Variants in DLG2 observed in about 807,000 individuals in gnomAD.
DLG2 encodes the protein disks large homolog 2.
In DLG2, 45 loss-of-function variants were observed where a neutral mutation model predicts 132.5. That is an observed-to-expected ratio of 0.34 (90% confidence interval 0.27 to 0.44). The LOEUF is 0.44. Ranked by LOEUF, DLG2 falls within the 20% of genes least tolerant of loss-of-function variation. DLG2 has a pLI of 1.00. For missense variants in DLG2, 1,045 were observed against 1,196.9 expected (o/e 0.87, Z 1.87); for synonymous variants, 424 against 419.6 (o/e 1.01, Z -0.13).
chr11:85,382,731 T>A (rs528170774), intron 3 of DLG2, among the ~76,000 whole-genome samples: 1 of 152,220 alleles, frequency 6.6e-6, no homozygotes, highest in South Asian at 2.1e-4. Flanking sequence ...AATAAGCACA[T>A]GAAAAGATGT....
intron 18 of DLG2, among the ~76,000 whole-genome samples, chr11:83,745,356 C>T (rs2092827565): frequency 6.6e-6 from 1 of 152,202 alleles, no homozygotes; most frequent in South Asian, 2.1e-4. Context: ...TTCTGTTCTA[C>T]TCTAATCCTT....
intron 3 of DLG2, among the ~76,000 whole-genome samples, chr11:85,393,857 T>C (rs187591335): frequency 2.2e-4 from 34 of 152,156 alleles, no homozygotes; most frequent in Non-Finnish European, 2.9e-5. Flanking sequence ...AGCTGAGCTA[T>C]GAGGATGCAA....
At chr11:84,194,452 G>A (rs1365133474) in intron 8 of DLG2, among the ~76,000 whole-genome samples, 1 of 152,164 alleles carries the variant, frequency 6.6e-6, no homozygotes, top group Non-Finnish European at 1.5e-5. Flanking sequence ...CAAAGAGTGA[G>A]CAGCAGGAAG....
intron 11 of DLG2, among the ~76,000 whole-genome samples, chr11:84,020,357 T>C (rs1262012617): frequency 1.3e-5 from 2 of 152,172 alleles, no homozygotes; most frequent in Non-Finnish European, 2.9e-5. Context: ...TATATATTCA[T>C]ATACATGCAG....
intron 6 of DLG2, among the ~76,000 whole-genome samples, chr11:84,784,316 A>T (rs2072419834): frequency 7.1e-6 from 1 of 140,888 alleles, no homozygotes; most frequent in African/African-American, 2.7e-5. Flanking sequence ...GCGAAACTCC[A>T]CCTCAAAATA....
intron 6 of DLG2, among the ~76,000 whole-genome samples, chr11:85,094,685 T>C (rs2069424848): frequency 6.6e-6 from 1 of 152,226 alleles, no homozygotes; most frequent in African/African-American, 2.4e-5. Flanking sequence ...TAAGGGAATG[T>C]TGTGGCTGTT....
chr11:84,823,852 C>T (rs1434890017), intron 6 of DLG2, among the ~76,000 whole-genome samples: 2 of 151,548 alleles, frequency 1.3e-5, no homozygotes, highest in Non-Finnish European at 2.9e-5. Context: ...CACAAAGATA[C>T]AATTTTAATA....
At chr11:84,850,761 C>T (rs1402371554) in intron 6 of DLG2, among the ~76,000 whole-genome samples, 1 of 151,542 alleles carries the variant, frequency 6.6e-6, no homozygotes, top group Non-Finnish European at 1.5e-5. Context: ...ATGAATAATC[C>T]AAAAATGAAA....
intron 3 of DLG2, among the ~76,000 whole-genome samples, chr11:85,418,799 T>C (rs1390402543): frequency 1.3e-5 from 2 of 152,208 alleles, no homozygotes; most frequent in Admixed American, 6.5e-5. Context: ...TATCCTTCCA[T>C]CCCTTTATTT....
intron 6 of DLG2, among the ~76,000 whole-genome samples, chr11:84,624,694 T>C (rs1025788675): frequency 6.6e-6 from 1 of 151,486 alleles, no homozygotes; most frequent in Non-Finnish European, 1.5e-5. Flanking sequence ...ACATTCCTCC[T>C]TTTATTGGTC....
rs568068487 is a variant in DLG2 at position 83,492,170 on chromosome 11, A to G, written c.2194-7942T>C. ...TAAACCACTTTATTCAGGGCCACCA[A>G]TGAACTTCATGTTGCCCAATCAAAT... On this transcript the variant is annotated intron_variant, in intron 21 of 27. Coordinates refer to ENST00000376104, the MANE Select transcript of DLG2 (RefSeq NM_001142699.3). Among the ~76,000 whole-genome samples, 19 of 152,154 alleles carry G rather than the reference A, an allele frequency of 1.2e-4. No individual in the cohort carries two copies. The South Asian group carries it at 3.7e-3, about 30-fold the overall frequency.
At chr11:85,497,529 C>T (rs997612914) in intron 3 of DLG2, among the ~76,000 whole-genome samples, 1 of 152,012 alleles carries the variant, frequency 6.6e-6, no homozygotes, top group African/African-American at 2.4e-5. Context: ...GGAGAACTTC[C>T]CCAACCTGGC....
chr11:84,186,112 T>G (rs1457066371), intron 8 of DLG2, among the ~76,000 whole-genome samples: 1 of 152,182 alleles, frequency 6.6e-6, no homozygotes, highest in Non-Finnish European at 1.5e-5. Flanking sequence ...GCCTTTCGCT[T>G]TTCAGCATTT....
intron 11 of DLG2, among the ~76,000 whole-genome samples, chr11:84,022,188 ACAG>A (rs995522438): frequency 6.6e-6 from 1 of 152,154 alleles, no homozygotes; most frequent in Non-Finnish European, 1.5e-5. Flanking sequence ...TTTGTCAGAA[ACAG>A]CAGGACTCAC....
chr11:84,347,052 C>T (rs2098542281), intron 7 of DLG2, among the ~76,000 whole-genome samples: 1 of 152,108 alleles, frequency 6.6e-6, no homozygotes, highest in South Asian at 2.1e-4. Context: ...AAAAAGGTCA[C>T]ATACAGCCAT....
intron 7 of DLG2, among the ~76,000 whole-genome samples, chr11:84,262,066 C>A (rs935891526): frequency 6.6e-6 from 1 of 152,154 alleles, no homozygotes; most frequent in Non-Finnish European, 1.5e-5. Context: ...TGTGCTTATT[C>A]TTCCCTATTC....
intron 2 of DLG2, among the ~76,000 whole-genome samples, chr11:85,615,620 T>G (rs1322458700): frequency 6.6e-6 from 1 of 152,174 alleles, no homozygotes. Flanking sequence ...AATTTGGAAT[T>G]TAAATAGTGA....
chr11:84,847,292 A>C (rs533887158), intron 6 of DLG2, among the ~76,000 whole-genome samples: 1 of 152,314 alleles, frequency 6.6e-6, no homozygotes, highest in Admixed American at 6.5e-5. Context: ...CAGAGGCTAG[A>C]GAAAAGGTTG....
At chr11:85,192,539 T>A (rs965570842) in intron 4 of DLG2, among the ~76,000 whole-genome samples, 1 of 152,154 alleles carries the variant, frequency 6.6e-6, no homozygotes, top group Non-Finnish European at 1.5e-5. Flanking sequence ...GCAACAGGCA[T>A]TGGAGTACAA....
Sources: allele counts gnomAD v4.1 joint callset (sites outside exome capture counted in the v4.1 genomes callset), GRCh38; gene constraint gnomAD v4.1.1; transcripts MANE v1.5; gene names NCBI Gene and HGNC (gene_info 2026-07-23, HGNC 2026-07-21).